GOLPH3: variants seen among roughly 807,000 people sequenced by gnomAD.
The protein encoded by GOLPH3 is coat protein GPP34.
GOLPH3 carries 14 observed loss-of-function variants against 28.5 expected under a neutral mutation model. The observed-to-expected ratio is 0.49, with a 90% CI of 0.32 to 0.77. GOLPH3 has a LOEUF of 0.77. Among genes scored for constraint, GOLPH3 ranks in the 30% least tolerant of loss-of-function variants. GOLPH3 has a pLI of 0.03. For missense variants in GOLPH3, 350 were observed against 393.7 expected, an observed-to-expected ratio of 0.89 and a Z score of 0.94; for synonymous variants, 158 against 159.2, an observed-to-expected ratio of 0.99 and a Z score of 0.06.
rs1252257453 is a variant in GOLPH3 at position 32,126,556 on chromosome 5, C to A, written c.553G>T (p.Gly185Cys). Residue 185 changes from glycine to cysteine, a missense_variant, in exon 4 of 4, where the codon GGT becomes TGT. Gly to Cys is a radical substitution (Grantham distance 159). Transcript: ENST00000265070. ...TTCTGTTTCTCTGTTGTCAATACAC[C>A]CTTTTCCACCAGGTTTTTAGCTAAT... ...ERLAKNLVEKGVLTTEKQNFL... is the reference protein window; with the variant it reads ...ERLAKNLVEKCVLTTEKQNFL... 1 of 1,614,038 alleles carries A rather than the reference C, an allele frequency of 6.2e-7. No homozygotes were observed. Among genetic ancestry groups the A allele is most frequent in the Non-Finnish European group, 8.5e-7 (1 of 1,179,984 alleles).
intron 3 of GOLPH3, among the ~76,000 whole-genome samples, chr5:32,134,181 G>C (rs980426529): frequency 6.6e-6 from 1 of 152,062 alleles, no homozygotes; most frequent in African/African-American, 2.4e-5. Context: ...ACCAGCCTGA[G>C]CAACACAGCA....
intron 2 of GOLPH3, among the ~76,000 whole-genome samples, chr5:32,136,621 G>T (rs922316079): frequency 3.3e-5 from 5 of 152,062 alleles, no homozygotes; most frequent in African/African-American, 1.2e-4. Context: ...CCAGAAATAA[G>T]ACTAAATTAT....
At chr5:32,157,579 T>G (rs901509261) in intron 1 of GOLPH3, among the ~76,000 whole-genome samples, 2 of 152,216 alleles carry the variant, frequency 1.3e-5, no homozygotes, top group South Asian at 4.1e-4. Context: ...TCAATCCAAC[T>G]GTCACTTTTT....
At chr5:32,168,915 CGCCACTGTACTCTAGCCTG>C in intron 1 of GOLPH3, among the ~76,000 whole-genome samples, 1 of 151,408 alleles carries the variant, frequency 6.6e-6, no homozygotes, top group Non-Finnish European at 1.5e-5. Flanking sequence ...GCTATGATCT[CGCCACTGTACTCTAGCCTG>C]GCGACACAGC....
intron 1 of GOLPH3, among the ~76,000 whole-genome samples, chr5:32,162,163 T>C (rs1276938104): frequency 1.3e-5 from 2 of 151,042 alleles, no homozygotes; most frequent in East Asian, 1.9e-4. Context: ...AGAACAAAGG[T>C]AGAGATAAAT....
At chr5:32,164,043 T>C (rs1031743621) in intron 1 of GOLPH3, among the ~76,000 whole-genome samples, 6 of 152,200 alleles carry the variant, frequency 3.9e-5, no homozygotes, top group Non-Finnish European at 7.3e-5. Flanking sequence ...AGTTTGCCTA[T>C]ATATTATCAA....
At chr5:32,127,534 T>C (rs1016860117) in intron 3 of GOLPH3, among the ~76,000 whole-genome samples, 2 of 152,202 alleles carry the variant, frequency 1.3e-5, no homozygotes, top group Non-Finnish European at 2.9e-5. Flanking sequence ...CATAGAGCTA[T>C]TTAAATTAAT....
At chr5:32,150,929 G>A (rs947468873) in intron 1 of GOLPH3, among the ~76,000 whole-genome samples, 2 of 152,122 alleles carry the variant, frequency 1.3e-5, no homozygotes, top group African/African-American at 4.8e-5. Context: ...ATAGTCATTA[G>A]GAAAAACATA....
intron 2 of GOLPH3, among the ~76,000 whole-genome samples, chr5:32,136,429 C>T (rs564155468): frequency 4.0e-5 from 6 of 150,820 alleles, no homozygotes; most frequent in South Asian, 4.2e-4. Context: ...TGCAGCGGGC[C>T]GAGATTGTGC....
chr5:32,127,232 A>G (rs1355239755), intron 3 of GOLPH3, among the ~76,000 whole-genome samples: 2 of 152,202 alleles, frequency 1.3e-5, no homozygotes, highest in African/African-American at 4.8e-5. Context: ...ATTTTTCACT[A>G]AAGTGGGTTC....
intron 3 of GOLPH3, chr5:32,134,968 G>C (rs1745901460): frequency 6.6e-6 from 1 of 152,212 alleles, no homozygotes; most frequent in South Asian, 2.1e-4. Flanking sequence ...AGTCCTCCAT[G>C]CTATCAGCCA....
intron 1 of GOLPH3, among the ~76,000 whole-genome samples, chr5:32,151,345 C>T (rs941542157): frequency 1.3e-5 from 2 of 151,732 alleles, no homozygotes; most frequent in Admixed American, 1.3e-4. Flanking sequence ...GGTAACACAG[C>T]GAGAGCTGTC....
At position 32,142,765 on chromosome 5, in the gene GOLPH3, G is replaced by A. The variant is rs562000979; in HGVS notation, c.357+984C>T. On this transcript the variant is annotated intron_variant, in intron 2 of 3. Transcript: ENST00000265070. Reference sequence around the variant, plus strand: ...AGGTGAGGGGCGCCTCTGCCCGGCCGCCCCTACTGGGAAGTGAGGAGCCCC... The same window carrying A: ...AGGTGAGGGGCGCCTCTGCCCGGCCACCCCTACTGGGAAGTGAGGAGCCCC... Among the ~76,000 whole-genome samples, 18 of 146,624 alleles carry A rather than the reference G, an allele frequency of 1.2e-4. No individual in the cohort carries two copies. The South Asian group carries it at 2.8e-3, about 23-fold the overall frequency.
intron 3 of GOLPH3, among the ~76,000 whole-genome samples, chr5:32,131,886 T>C (rs1375504547): frequency 6.6e-6 from 1 of 152,244 alleles, no homozygotes; most frequent in African/African-American, 2.4e-5. Flanking sequence ...AGTGTAGTGA[T>C]TCCTTGTGAC....
intron 2 of GOLPH3, among the ~76,000 whole-genome samples, chr5:32,141,576 ACTCTCCCTCTCC>A (rs67157498): frequency 1.3e-5 from 2 of 150,318 alleles, no homozygotes; most frequent in African/African-American, 4.9e-5. Flanking sequence ...GCTGCAAATG[ACTCTCCCTCTCC>A]CTCTCCCTCT....
intron 1 of GOLPH3, among the ~76,000 whole-genome samples, chr5:32,150,943 G>A (rs1746290866): frequency 6.6e-6 from 1 of 152,108 alleles, no homozygotes; most frequent in South Asian, 2.1e-4. Context: ...AAACATAATT[G>A]GATCAATTCC....
rs955872350 is a variant in GOLPH3 at position 32,125,965 on chromosome 5, G to C, written c.*247C>G. 5 of 430,462 alleles carry C rather than the reference G, an allele frequency of 1.2e-5. No homozygotes were observed. Among genetic ancestry groups the C allele is most frequent in the African/African-American group, 4.1e-5 (2 of 49,154 alleles). The allele number at this position is 430,462 out of a possible 1,614,324, so 26.7% of individuals were successfully genotyped here. ...GACCAGAAACCCAAAACAGGTAACA[G>C]TGAGGATGGCAACAGGGAATGGAAT... is the stretch of plus-strand genomic sequence containing the variant. On this transcript the variant is annotated 3_prime_UTR_variant, in exon 4 of 4. Transcript: ENST00000265070.
chr5:32,173,868 T>C lies in GOLPH3; in HGVS notation c.167A>G (p.Lys56Arg). The change falls in exon 1 of 4, where the codon AAG becomes AGG. Residue 56 changes from lysine to arginine, a missense_variant. Physicochemically the swap from Lys to Arg is conservative, Grantham distance 26 (BLOSUM62 2). Transcript: ENST00000265070. ...EQDDDDKGDS[K>R]ETRLTLMEEV... ...CTCCATCAGGGTCAGCCGCGTTTCC[T>C]TGGAGTCGCCCTTGTCGTCGTCGTC... 6.5e-7 allele frequency: 1 copy of C among 1,527,986 alleles called. No homozygotes were observed. Among genetic ancestry groups the C allele is most frequent in the Non-Finnish European group, 8.8e-7 (1 of 1,140,536 alleles). The allele number at this position is 1,527,986 out of a possible 1,614,324, so 94.7% of individuals were successfully genotyped here.
In GOLPH3 at chr5:32,154,710, A is replaced by C. The variant is rs369834599; in HGVS notation, c.226-10830T>G. On this transcript the variant is annotated intron_variant, in intron 1 of 3. Coordinates refer to ENST00000265070, the MANE Select transcript of GOLPH3 (RefSeq NM_022130.4). ...AGGCAGATAGGTCTGTCACCAAATG[A>C]ACTCACTGGTCTTCAAATTCTAAAA... Among the ~76,000 whole-genome samples, 13 of 152,344 alleles carry C rather than the reference A, an allele frequency of 8.5e-5. No homozygotes were observed. In the South Asian group the frequency reaches 2.5e-3, roughly 29 times the overall value.
Sources: gnomAD v4.1 joint callset for allele counts (sites outside exome capture counted in the v4.1 genomes callset) on GRCh38, gnomAD v4.1.1 for gene constraint, MANE v1.5 for transcripts, NCBI Gene and HGNC (gene_info 2026-07-23, HGNC 2026-07-21) for gene names.